Variants in ASIC2 observed in about 807,000 individuals in gnomAD.
The protein encoded by ASIC2 is acid sensing ion channel subunit 2.
In ASIC2, 25 loss-of-function variants were observed where a neutral mutation model predicts 57.3. That is an observed-to-expected ratio of 0.44 (90% CI 0.32 to 0.61). ASIC2 has a LOEUF of 0.61. Ranked by LOEUF, ASIC2 falls within the 20% of genes least tolerant of loss-of-function variation. ASIC2 has a pLI of 0.06. For missense variants in ASIC2, 641 were observed against 738.1 expected, an observed-to-expected ratio of 0.87 and a Z score of 1.52; for synonymous variants, 319 against 307.5, an observed-to-expected ratio of 1.04 and a Z score of -0.39.
chr17:33,864,494 T>C (rs955010378), intron 1 of ASIC2, among the ~76,000 whole-genome samples: 5 of 152,200 alleles, frequency 3.3e-5, no homozygotes, highest in African/African-American at 1.2e-4. Context: ...TCTCACTCTC[T>C]TCAGCCACAC....
chr17:33,755,325 A>G (rs1440808594), intron 1 of ASIC2, among the ~76,000 whole-genome samples: 1 of 152,198 alleles, frequency 6.6e-6, no homozygotes, highest in African/African-American at 2.4e-5. Context: ...AGTGAAACCC[A>G]TTTCCAATTT....
intron 1 of ASIC2, chr17:33,980,949 T>TTG (rs1905596532): frequency 6.8e-6 from 1 of 147,178 alleles, no homozygotes; most frequent in South Asian, 2.2e-4. Flanking sequence ...GTAATTTTTT[T>TTG]TTTTTTAGAC....
intron 1 of ASIC2, among the ~76,000 whole-genome samples, chr17:33,557,871 C>A (rs1915956290): frequency 6.6e-6 from 1 of 152,212 alleles, no homozygotes; most frequent in Admixed American, 6.5e-5. Context: ...AATCTATCAT[C>A]ATTATCTCTC....
chr17:33,911,071 C>T (rs1915452241), intron 1 of ASIC2, among the ~76,000 whole-genome samples: 3 of 152,200 alleles, frequency 2.0e-5, no homozygotes, highest in Non-Finnish European at 2.9e-5. Flanking sequence ...GGGCCCAGAG[C>T]GAGCGCCTAT....
intron 1 of ASIC2, among the ~76,000 whole-genome samples, chr17:33,761,258 G>A (rs1411470785): frequency 2.4e-4 from 36 of 152,190 alleles, no homozygotes; most frequent in Non-Finnish European, 1.2e-4. Flanking sequence ...GATGGATTGA[G>A]TAATTTTTTT....
intron 1 of ASIC2, among the ~76,000 whole-genome samples, chr17:33,351,597 C>T (rs1468730591): frequency 6.6e-6 from 1 of 152,202 alleles, no homozygotes; most frequent in East Asian, 1.9e-4. Context: ...TCCTCTCACA[C>T]ATACTGTATT....
intron 1 of ASIC2, among the ~76,000 whole-genome samples, chr17:33,933,750 G>A (rs1915995928): frequency 6.6e-6 from 1 of 152,246 alleles, no homozygotes; most frequent in African/African-American, 2.4e-5. Flanking sequence ...AAGAGCAGGT[G>A]TGAGGTCTCA....
intron 7 of ASIC2, among the ~76,000 whole-genome samples, chr17:33,020,141 G>A (rs1417314875): frequency 6.6e-6 from 1 of 152,128 alleles, no homozygotes; most frequent in Non-Finnish European, 1.5e-5. Context: ...TGGAGAAAGT[G>A]TAGAAATGCT....
At chr17:33,891,605 C>G (rs74840124) in intron 1 of ASIC2, among the ~76,000 whole-genome samples, 7 of 152,184 alleles carry the variant, frequency 4.6e-5, no homozygotes, top group Admixed American at 1.3e-4. Flanking sequence ...CCCATAGACA[C>G]TGAGGTTTGA....
intron 1 of ASIC2, among the ~76,000 whole-genome samples, chr17:33,655,252 A>T (rs547722927): frequency 2.0e-5 from 3 of 152,254 alleles, no homozygotes; most frequent in South Asian, 2.1e-4. Flanking sequence ...TGCCTTGGAG[A>T]TTACTGTGAG....
intron 1 of ASIC2, among the ~76,000 whole-genome samples, chr17:33,760,103 C>A (rs185748345): frequency 6.6e-6 from 1 of 152,082 alleles, no homozygotes; most frequent in Non-Finnish European, 1.5e-5. Context: ...CTCACCAGAG[C>A]AGTTTGTTAA....
chr17:33,968,198 A>G (rs1407515696), intron 1 of ASIC2, among the ~76,000 whole-genome samples: 5 of 152,104 alleles, frequency 3.3e-5, no homozygotes, highest in Non-Finnish European at 7.4e-5. Flanking sequence ...AGGTTAAATG[A>G]CTTTCTCACA....
chr17:33,456,536 A>T (rs2141993290), intron 1 of ASIC2, among the ~76,000 whole-genome samples: 1 of 152,194 alleles, frequency 6.6e-6, no homozygotes. Context: ...CATCTTTCTG[A>T]TGGCATGTCT....
intron 1 of ASIC2, among the ~76,000 whole-genome samples, chr17:33,706,699 C>A (rs940564309): frequency 7.9e-5 from 12 of 152,082 alleles, no homozygotes; most frequent in Non-Finnish European, 1.3e-4. Context: ...ACCATAATTC[C>A]ATCCTCAAAC....
intron 1 of ASIC2, among the ~76,000 whole-genome samples, chr17:33,684,467 C>A (rs376579143): frequency 1.3e-5 from 2 of 151,040 alleles, no homozygotes; most frequent in African/African-American, 4.9e-5. Flanking sequence ...TTGTTCATGA[C>A]GACCCTGACC....
chr17:33,089,713 G>A (rs921752680), intron 2 of ASIC2, among the ~76,000 whole-genome samples: 7 of 152,226 alleles, frequency 4.6e-5, no homozygotes, highest in African/African-American at 1.7e-4. Context: ...ATCAGGAGGA[G>A]GAAAACATGA....
chr17:33,636,668 CACTCT>C (rs1401848803), intron 1 of ASIC2, among the ~76,000 whole-genome samples: 1 of 152,176 alleles, frequency 6.6e-6, no homozygotes, highest in Non-Finnish European at 1.5e-5. Flanking sequence ...CTCAATCATT[CACTCT>C]ACTCCTTTCT....
chr17:33,641,523 A>G (rs576157799), intron 1 of ASIC2, among the ~76,000 whole-genome samples: 1 of 152,230 alleles, frequency 6.6e-6, no homozygotes, highest in East Asian at 1.9e-4. Context: ...AGAGCCACAC[A>G]GCACCCAGAA....
intron 1 of ASIC2, among the ~76,000 whole-genome samples, chr17:33,546,454 G>A (rs1915581630): frequency 1.3e-5 from 2 of 152,012 alleles, no homozygotes; most frequent in South Asian, 4.2e-4. Flanking sequence ...AATTTTGGAG[G>A]CACCCGAGTA....
Sources: gnomAD v4.1 joint callset for allele counts (sites outside exome capture counted in the v4.1 genomes callset) on GRCh38, gnomAD v4.1.1 for gene constraint, MANE v1.5 for transcripts, NCBI Gene and HGNC (gene_info 2026-07-23, HGNC 2026-07-21) for gene names.